PPEF2: variants seen among roughly 807,000 people sequenced by gnomAD.
PPEF2 encodes protein phosphatase with EF-hand domain 2.
A neutral mutation model predicts 84.7 loss-of-function variants in PPEF2; 84 were observed. The observed-to-expected ratio is 0.99, with a 90% CI of 0.83 to 1.19. The LOEUF (loss-of-function observed/expected upper bound fraction) is 1.19. Among genes scored for constraint, PPEF2 ranks in the 50% most tolerant of loss-of-function variants. The pLI is 0.00. For missense variants in PPEF2, 924 were observed against 937.5 expected (o/e 0.99, Z 0.19); for synonymous variants, 346 against 345.2 (o/e 1.00, Z -0.03).
intron 12 of PPEF2, among the ~76,000 whole-genome samples, 187 bp from the exon 13 acceptor site, chr4:75,872,354 C>T (rs1048990812): frequency 2.0e-5 from 3 of 152,090 alleles, no homozygotes; most frequent in Admixed American, 6.6e-5. Context: ...AGAGTTGTGA[C>T]TCAAGTCATA....
At chr4:75,873,391 G>T (rs1197079409) in intron 11 of PPEF2, 79 bp from the exon 12 acceptor site, 1 of 1,282,314 alleles carries the variant, frequency 7.8e-7, no homozygotes, top group African/African-American at 1.5e-5. Flanking sequence ...AAAGGAAGAG[G>T]AGGAGGAAAA....
Position 75,860,898 on chromosome 4 carries a change from G to C in PPEF2, c.2031C>G (p.Phe677Leu). The C allele has an allele frequency of 6.2e-7, 1 of 1,614,202 alleles. No individual in the cohort carries two copies. Among genetic ancestry groups the C allele is most frequent in the Non-Finnish European group, 8.5e-7 (1 of 1,180,006 alleles). Reference sequence around the variant, plus strand: ...AGCTGAACAGCTTCCAGGTCTGCCTGAACTCGTCCAGTGAGATGAACCCTT... The same window carrying C: ...AGCTGAACAGCTTCCAGGTCTGCCTCAACTCGTCCAGTGAGATGAACCCTT... ...DHSGFISLDE[F>L]RQTWKLFSSH... is the part of the protein sequence containing the mutation. The change falls in exon 17 of 17, where the codon TTC becomes TTG. Residue 677 changes from phenylalanine (F) to leucine (L), a missense_variant. Phe to Leu is a conservative substitution (Grantham distance 22). Transcript: ENST00000286719.
intron 16 of PPEF2, among the ~76,000 whole-genome samples, chr4:75,861,928 TA>T (rs1228585887): frequency 2.0e-5 from 3 of 149,636 alleles, no homozygotes; most frequent in African/African-American, 7.3e-5. Flanking sequence ...GTTTTATAGC[TA>T]AAAAAAGCTA....
intron 2 of PPEF2, among the ~76,000 whole-genome samples, chr4:75,893,238 C>T (rs1176779741): frequency 6.6e-6 from 1 of 152,184 alleles, no homozygotes; most frequent in Admixed American, 6.5e-5. Flanking sequence ...TGGCTCACAC[C>T]TATAATCCTA....
At position 75,882,974 on chromosome 4, in the gene PPEF2, C is replaced by T; in HGVS notation, c.885G>A (p.Val295=). 2 of 1,614,208 alleles carry T rather than the reference C, an allele frequency of 1.2e-6. No homozygotes were observed. Among genetic ancestry groups the T allele is most frequent in the East Asian group, 2.2e-5 (1 of 44,886 alleles). ...DEKVLILHGG[V]SDITDLELLD... The stretch of plus-strand genomic sequence containing the variant: ...AAAGCTCCAGATCAGTTATGTCTGA[C>T]ACCCCACCATGAAGAATTAGAACTT... Residue 295 remains valine (V), a synonymous_variant, in exon 10 of 17, where the codon GTG becomes GTA. Coordinates refer to ENST00000286719, the MANE Select transcript of PPEF2 (RefSeq NM_006239.3).
At chr4:75,864,062 T>G (rs1724071469) in intron 16 of PPEF2, among the ~76,000 whole-genome samples, 1 of 151,792 alleles carries the variant, frequency 6.6e-6, no homozygotes, top group South Asian at 2.1e-4. Context: ...TAGTAGAGAC[T>G]GGGTTTCTTC....
chr4:75,897,172 A>T (rs534634134), intron 1 of PPEF2, among the ~76,000 whole-genome samples: 1 of 151,890 alleles, frequency 6.6e-6, no homozygotes, highest in Admixed American at 6.6e-5. Context: ...CTTTATTTCA[A>T]TTCTACACCT....
chr4:75,901,936 A>G (rs1329997227), intron 1 of PPEF2, among the ~76,000 whole-genome samples: 1 of 152,172 alleles, frequency 6.6e-6, no homozygotes, highest in East Asian at 1.9e-4. Context: ...ATGAACAGCC[A>G]CTGCACTCCA....
At position 75,876,487 on chromosome 4, in the gene PPEF2, T is replaced by C; in HGVS notation, c.1120A>G (p.Ser374Gly). Residue 374 changes from serine (S) to glycine (G), a missense_variant, in exon 11 of 17, where the codon AGC (serine) becomes GGC (glycine). By Grantham distance (56) the Ser-to-Gly change is moderately conservative (BLOSUM62 0). Coordinates refer to ENST00000286719, the MANE Select transcript of PPEF2 (RefSeq NM_006239.3). ...YKAQKTSRSSSIPCSGSLDGR... is the reference protein window; with the variant it reads ...YKAQKTSRSSGIPCSGSLDGR... ...TCCAGGGAACCGCTGCAGGGGATGC[T>C]GGAGGACCTGCTGGTTTTCTGGGCC... 6.2e-7 allele frequency: 1 copy of C among 1,613,948 alleles called. No individual in the cohort carries two copies. Among genetic ancestry groups the C allele is most frequent in the Non-Finnish European group, 8.5e-7 (1 of 1,179,902 alleles).
At chr4:75,883,374 G>T in intron 8 of PPEF2, 172 bp from the exon 9 acceptor site, 2 of 604,598 alleles carry the variant, frequency 3.3e-6, no homozygotes, top group Non-Finnish European at 5.8e-6. Context: ...CCTGGGTAGA[G>T]AAATTATGGG....
chr4:75,869,921 A>G (rs1724228912), intron 13 of PPEF2, among the ~76,000 whole-genome samples: 1 of 152,206 alleles, frequency 6.6e-6, no homozygotes, highest in Non-Finnish European at 1.5e-5. Context: ...GACATCATCA[A>G]TTATGGCTGC....
At position 75,860,644 on chromosome 4, in the gene PPEF2, G is replaced by A. The variant is rs1360504018; in HGVS notation, c.*23C>T. 1 of 1,611,594 alleles carries A rather than the reference G, an allele frequency of 6.2e-7. No individual in the cohort carries two copies. The highest frequency in any genetic ancestry group is 1.3e-5 in the African/African-American group (1 of 74,868). On this transcript the variant is annotated 3_prime_UTR_variant, in exon 17 of 17. Coordinates refer to ENST00000286719, the MANE Select transcript of PPEF2 (RefSeq NM_006239.3). ...CTGAGCATTGCCTATGAGGCACTTT[G>A]GGTGATGAAGACCAGGCTGTTCTTA...
intron 7 of PPEF2, among the ~76,000 whole-genome samples, chr4:75,885,857 A>C (rs1042263139): frequency 6.6e-6 from 1 of 152,018 alleles, no homozygotes; most frequent in African/African-American, 2.4e-5. Context: ...AAAAATACAA[A>C]AATTAGCCGG....
chr4:75,876,007 C>T (rs999647327), intron 11 of PPEF2, among the ~76,000 whole-genome samples: 1 of 152,150 alleles, frequency 6.6e-6, no homozygotes, highest in African/African-American at 2.4e-5. Flanking sequence ...AAATAGCACA[C>T]AATAGCATCC....
intron 11 of PPEF2, among the ~76,000 whole-genome samples, chr4:75,874,497 A>AGAG: frequency 6.6e-6 from 1 of 152,252 alleles, no homozygotes; most frequent in African/African-American, 2.4e-5. Flanking sequence ...GGATTTCACC[A>AGAG]TGTTAACCAG....
At chr4:75,878,649 G>C (rs1169547772) in intron 10 of PPEF2, among the ~76,000 whole-genome samples, 1 of 152,128 alleles carries the variant, frequency 6.6e-6, no homozygotes, top group Non-Finnish European at 1.5e-5. Flanking sequence ...CACTTTCTAG[G>C]CAGTTCCAAT....
Position 75,901,477 on chromosome 4 carries a change from C to T in PPEF2, c.-59+753G>A, listed in dbSNP as rs556426534. Among the ~76,000 whole-genome samples the T allele has an allele frequency of 2.4e-4, 37 of 151,124 alleles. 1 individual carries two copies. The highest frequency in any genetic ancestry group is 2.4e-3 in the Admixed American group (36 of 15,128). ...TGGAAGTTGTAGTGAGCCAAGATTT[C>T]GCCACTACACTCCAGCCTGGGTGAC... On this transcript the variant is annotated intron_variant, in intron 1 of 16. Transcript: ENST00000286719.
At chr4:75,879,752 G>A (rs550975976) in intron 10 of PPEF2, among the ~76,000 whole-genome samples, 14 of 152,082 alleles carry the variant, frequency 9.2e-5, no homozygotes, top group Admixed American at 2.6e-4. Context: ...CTTGCTCTGA[G>A]GCTTAATTTA....
intron 7 of PPEF2, among the ~76,000 whole-genome samples, chr4:75,885,286 G>T (rs932260616): frequency 6.6e-6 from 1 of 152,048 alleles, no homozygotes; most frequent in Non-Finnish European, 1.5e-5. Flanking sequence ...TTATGTGAAA[G>T]AAAGAAAATC....
Sources: allele counts gnomAD v4.1 joint callset (sites outside exome capture counted in the v4.1 genomes callset), GRCh38; gene constraint gnomAD v4.1.1; transcripts MANE v1.5; gene names NCBI Gene and HGNC (gene_info 2026-07-23, HGNC 2026-07-21).